Variants in DNAH10 observed in about 807,000 individuals in gnomAD.
DNAH10 encodes dynein axonemal heavy chain 10.
A neutral mutation model predicts 506.6 loss-of-function variants in DNAH10; 348 were observed. That is an observed-to-expected ratio of 0.69 (90% CI 0.63 to 0.75). The LOEUF (loss-of-function observed/expected upper bound fraction) is 0.75, where lower values mean the gene tolerates loss of function less well. Among genes scored for constraint, DNAH10 ranks in the 30% least tolerant of loss-of-function variants. DNAH10 has a pLI of 0.00. For missense variants in DNAH10, 5,179 were observed against 5,787.1 expected, an observed-to-expected ratio of 0.89 and a Z score of 3.41; for synonymous variants, 2,059 against 2,198.6, an observed-to-expected ratio of 0.94 and a Z score of 1.78.
In DNAH10 at chr12:123,907,011, GGT is replaced by G. The variant is rs1219010684; in HGVS notation, c.9816-2247_9816-2246del. ...CCTTTCATTCATTCAGTAGTCAGTG[GGT>G]GTCTGTCCCCCACCCCACCCCTGCC... is the stretch of plus-strand genomic sequence containing the variant. On this transcript the variant is annotated intron_variant, in intron 57 of 78. Coordinates refer to ENST00000673944, the MANE Select transcript of DNAH10 (RefSeq NM_001372106.1). The surrounding 1 kb of genome is among the most constrained non-coding windows in gnomAD (Gnocchi z 4.4). Among the ~76,000 whole-genome samples the G allele has an allele frequency of 1.6e-4, 24 of 152,320 alleles. No individual in the cohort carries two copies. The highest frequency in any genetic ancestry group is 5.8e-4 in the African/African-American group (24 of 41,568).
intron 25 of DNAH10, among the ~76,000 whole-genome samples, chr12:123,829,709 C>CGTGTGT (rs138601397): frequency 0.02 from 2,992 of 151,162 alleles, 109 homozygotes; most frequent in African/African-American, 0.068. Flanking sequence ...TTTCCATGGC[C>CGTGTGT]GTGTGTGTGT....
At position 123,841,422 on chromosome 12, in the gene DNAH10, G is replaced by A. The variant is rs745566020; in HGVS notation, c.5237G>A (p.Arg1746Gln). Reference sequence around the variant, plus strand: ...GCAGAAGGAGAAGTCATGGAGTTTCGGAAGATCTTGCGGGCTGAAGGGCGC... The same window carrying A: ...GCAGAAGGAGAAGTCATGGAGTTTCAGAAGATCTTGCGGGCTGAAGGGCGC... ...ISAEGEVMEF[R>Q]KILRAEGRVE... The change falls in exon 30 of 79, where the codon CGG becomes CAG. Residue 1746 changes from arginine to glutamine, a missense_variant. Coordinates refer to ENST00000673944, the MANE Select transcript of DNAH10 (RefSeq NM_001372106.1). 3.2e-5 allele frequency: 52 copies of A among 1,614,008 alleles called. 1 individual carries two copies. The South Asian group carries it at 3.5e-4, about 11-fold the overall frequency.
Position 123,902,871 on chromosome 12 carries a change from C to T in DNAH10, c.9641-68C>T, listed in dbSNP as rs778105426. On this transcript the variant is annotated intron_variant, in intron 56 of 78. Transcript: ENST00000673944. This position sits in a 1 kb window ranked among gnomAD's most constrained non-coding sequence, Gnocchi z 4.5. ...CAACCTTTGAGGACTGCACTCTGCT[C>T]AGAGCCGGGGCCGCGAGTGCATCTC... 1.1e-5 allele frequency: 17 copies of T among 1,502,194 alleles called. No homozygotes were observed. The highest frequency in any genetic ancestry group is 1.3e-5 in the Non-Finnish European group (15 of 1,121,092). 93.1% of individuals were successfully genotyped at this position (1,502,194 alleles called of 1,614,324 possible). A position where few individuals can be genotyped will look rare whatever the true frequency, so the allele number is the denominator to read the frequency against.
At chr12:123,923,900 C>G in intron 66 of DNAH10, 33 bp downstream of exon 66, 1 of 1,457,630 alleles carries the variant, frequency 6.9e-7, no homozygotes, top group East Asian at 2.3e-5. Flanking sequence ...TTCCTCCCAT[C>G]TCCTTGCCCA....
At position 123,835,172 on chromosome 12, in the gene DNAH10, T is replaced by C. The variant is rs374577721; in HGVS notation, c.4780-234T>C. Among the ~76,000 whole-genome samples the C allele has an allele frequency of 5.3e-5, 8 of 152,344 alleles. No individual in the cohort carries two copies. The East Asian group carries it at 1.5e-3, about 29-fold the overall frequency. ...GTTTTCCTACCTGTGCTGGGCTGCATGGAGAGCTTTCTTTTGCTTTTGAGT... is the reference window on the plus strand; with the variant it reads ...GTTTTCCTACCTGTGCTGGGCTGCACGGAGAGCTTTCTTTTGCTTTTGAGT... On this transcript the variant is annotated intron_variant, in intron 27 of 78. Coordinates refer to ENST00000673944, the MANE Select transcript of DNAH10 (RefSeq NM_001372106.1).
At chr12:123,857,366 AT>A in intron 37 of DNAH10, 119 bp downstream of exon 37, 18 of 837,766 alleles carry the variant, frequency 2.1e-5, no homozygotes, top group Admixed American at 4.0e-5. Flanking sequence ...CATCTTAACC[AT>A]TTTTCCCCAT....
At chr12:123,781,490 G>C (rs1466935519) in intron 6 of DNAH10, among the ~76,000 whole-genome samples, 191 bp downstream of exon 6, 1 of 152,052 alleles carries the variant, frequency 6.6e-6, no homozygotes, top group Non-Finnish European at 1.5e-5. Flanking sequence ...TTTTGAGACA[G>C]AGCCTCACTC....
chr12:123,787,920 G>C lies in DNAH10; in HGVS notation c.1538G>C (p.Arg513Pro). 2 of 1,610,136 alleles carry C rather than the reference G, an allele frequency of 1.2e-6. No individual in the cohort carries two copies. Among genetic ancestry groups the C allele is most frequent in the Non-Finnish European group, 1.7e-6 (2 of 1,178,374 alleles). Residue 513 changes from arginine to proline, a missense_variant, in exon 10 of 79, where the codon CGG becomes CCG. Transcript: ENST00000673944. This position sits in a 1 kb window ranked among gnomAD's most constrained non-coding sequence, Gnocchi z 4.6. ...ATAGAGGCTTCGGGGAGGGAAGATC[G>C]GTGGGAGTTTGACCGGAAGCGGCTG... ...AKIEASGREDRWEFDRKRLFE... is the reference protein window; with the variant it reads ...AKIEASGREDPWEFDRKRLFE...
At chr12:123,856,304 G>GTA (rs979626502) in intron 36 of DNAH10, among the ~76,000 whole-genome samples, 4 of 148,874 alleles carry the variant, frequency 2.7e-5, no homozygotes, top group Admixed American at 6.7e-5. Flanking sequence ...ATATGTATGT[G>GTA]TATATATATG....
At position 123,916,520 on chromosome 12, in the gene DNAH10, C is replaced by A; in HGVS notation, c.10786C>A (p.Pro3596Thr). 1 of 1,613,918 alleles carries A rather than the reference C, an allele frequency of 6.2e-7. No homozygotes were observed. The highest frequency in any genetic ancestry group is 8.5e-7 in the Non-Finnish European group (1 of 1,179,890). The change falls in exon 63 of 79, where the codon CCT becomes ACT. Residue 3596 changes from proline (P) to threonine (T), a missense_variant. By Grantham distance (38) the Pro-to-Thr change is conservative (BLOSUM62 -1). This residue lies in a region of DNAH10 where 4,844 missense variants were observed against 5,430.5 expected (regional missense o/e 0.89). Transcript: ENST00000673944. This position sits in a 1 kb window ranked among gnomAD's most constrained non-coding sequence, Gnocchi z 4.6. ...QLEMSIKYGT[P>T]FLFRDVDEYI... is the part of the protein sequence containing the mutation. ...AGAGATGTCCATAAAGTACGGGACC[C>A]CTTTCCTGTTCCGCGATGTTGATGA...
chr12:123,889,077 G>T (rs1311795034), intron 52 of DNAH10, among the ~76,000 whole-genome samples: 2 of 152,126 alleles, frequency 1.3e-5, no homozygotes, highest in Non-Finnish European at 1.5e-5. Flanking sequence ...GTGAACATCT[G>T]CCGGCATGCC....
chr12:123,770,650 T>C (rs993308710), intron 2 of DNAH10, among the ~76,000 whole-genome samples: 3 of 152,116 alleles, frequency 2.0e-5, no homozygotes, highest in African/African-American at 7.2e-5. Flanking sequence ...ACTGTCCCAT[T>C]TTATGGATGC....
intron 21 of DNAH10, 112 bp downstream of exon 21, chr12:123,814,024 C>G (rs1959049153): frequency 2.0e-6 from 2 of 1,004,224 alleles, no homozygotes; most frequent in East Asian, 5.4e-5. Context: ...AAATAAGTGA[C>G]TTTAAGTAAT....
At chr12:123,812,588 T>A (rs1021799813) in intron 19 of DNAH10, among the ~76,000 whole-genome samples, 11 of 152,222 alleles carry the variant, frequency 7.2e-5, no homozygotes, top group African/African-American at 2.7e-4. Flanking sequence ...TCTGTAAATA[T>A]GGAAATAAAA....
chr12:123,783,347 A>G, intron 7 of DNAH10, 83 bp downstream of exon 7: 1 of 1,486,934 alleles, frequency 6.7e-7, no homozygotes, highest in Non-Finnish European at 9.2e-7. Flanking sequence ...TGGGGTCTGC[A>G]TCATCTGGCA....
intron 53 of DNAH10, among the ~76,000 whole-genome samples, chr12:123,894,082 CTTTTTTTTTTTT>C (rs558490981): frequency 0.12 from 10,320 of 89,604 alleles, 521 homozygotes; most frequent in African/African-American, 0.19. Context: ...AATGAGCATC[CTTTTTTTTTTTT>C]TTTTTTTTTT....
chr12:123,770,195 C>T (rs545503534), intron 2 of DNAH10, among the ~76,000 whole-genome samples: 2 of 151,892 alleles, frequency 1.3e-5, no homozygotes, highest in Admixed American at 1.3e-4. Flanking sequence ...TTGCAGTGAG[C>T]CAAGATCGTG....
intron 46 of DNAH10, among the ~76,000 whole-genome samples, chr12:123,874,265 G>GTCCA (rs34989387): frequency 0.24 from 35,084 of 145,380 alleles, 4,255 homozygotes; most frequent in South Asian, 0.27. Context: ...GAGTCCGTCC[G>GTCCA]TCCATCCATC....
chr12:123,821,490 C>G (rs915713287), intron 24 of DNAH10, among the ~76,000 whole-genome samples: 1 of 152,024 alleles, frequency 6.6e-6, no homozygotes, highest in Non-Finnish European at 1.5e-5. Context: ...ACCACCATGC[C>G]CAGCTATTCT....
Sources: gnomAD v4.1 joint callset for allele counts (sites outside exome capture counted in the v4.1 genomes callset) on GRCh38, gnomAD v4.1.1 for gene constraint, gnomAD v4.1.1 regional missense constraint, Gnocchi (gnomAD v3.1) non-coding constraint, MANE v1.5 for transcripts, NCBI Gene and HGNC (gene_info 2026-07-23, HGNC 2026-07-21) for gene names.